The following RGS20 variants were observed in gnomAD, a reference collection of about 807,000 sequenced individuals.
RGS20 encodes regulator of G protein signaling 20.
In RGS20, 30 loss-of-function variants were observed where a neutral mutation model predicts 33.6. That is an observed-to-expected ratio of 0.89 (90% CI 0.67 to 1.21). The LOEUF (loss-of-function observed/expected upper bound fraction) is 1.21. Ranked by LOEUF, RGS20 falls within the 50% of genes most tolerant of loss-of-function variation. The pLI, the probability that RGS20 is intolerant of heterozygous loss-of-function variation, is 0.00. For synonymous variants in RGS20, 208 were observed against 197.9 expected, an observed-to-expected ratio of 1.05 and a Z score of -0.43; for missense variants, 472 against 502.4, an observed-to-expected ratio of 0.94 and a Z score of 0.58.
chr8:53,859,139 ATT>A (rs1473757514), intron 1 of RGS20, among the ~76,000 whole-genome samples: 2 of 152,308 alleles, frequency 1.3e-5, no homozygotes, highest in East Asian at 3.9e-4. Context: ...AACATAATAC[ATT>A]TGTTTTTAAG....
At chr8:53,937,838 C>T (rs1814177358) in intron 2 of RGS20, among the ~76,000 whole-genome samples, 1 of 152,100 alleles carries the variant, frequency 6.6e-6, no homozygotes. Context: ...AATGAGATAC[C>T]GTCTCATGCC....
chr8:53,930,764 G>T (rs1434151961), intron 2 of RGS20, among the ~76,000 whole-genome samples: 1 of 152,032 alleles, frequency 6.6e-6, no homozygotes, highest in East Asian at 1.9e-4. Flanking sequence ...GGCCGGGCTG[G>T]TCTCGAACTC....
chr8:53,868,666 A>ATATG (rs1287825287), intron 1 of RGS20, among the ~76,000 whole-genome samples: 17 of 152,098 alleles, frequency 1.1e-4, no homozygotes, highest in African/African-American at 4.1e-4. Flanking sequence ...ATATATATAT[A>ATATG]TATGTATGTC....
chr8:53,954,174 G>C lies in RGS20; in HGVS notation c.842G>C (p.Arg281Pro). ...AGGAATGCATTCCGTGAATTCCTCC[G>C]AACAGAATTCAGTGAGGAAAATATG... Residue 281 changes from arginine (R) to proline (P), a missense_variant, in exon 5 of 6, where the codon CGA (arginine) becomes CCA (proline). Transcript: ENST00000297313. 1 of 1,613,710 alleles carries C rather than the reference G, an allele frequency of 6.2e-7. No individual in the cohort carries two copies. The highest frequency in any genetic ancestry group is 8.5e-7 in the Non-Finnish European group (1 of 1,179,664).
intron 3 of RGS20, 79 bp from the exon 3 acceptor site, chr8:53,946,586 G>A: frequency 8.7e-7 from 1 of 1,154,524 alleles, no homozygotes; most frequent in Non-Finnish European, 1.3e-6. Context: ...GGGATCTGAA[G>A]TTCTCTTTAA....
chr8:53,861,092 C>T (rs904085664), intron 1 of RGS20, among the ~76,000 whole-genome samples: 2 of 152,174 alleles, frequency 1.3e-5, no homozygotes, highest in Non-Finnish European at 2.9e-5. Context: ...CCAAAATCAA[C>T]GATGACACCT....
In RGS20 at chr8:53,922,886, C is replaced by T. The variant is rs183044727; in HGVS notation, c.511-16690C>T. ...ATGTTGTCCAGGCTGGTCTTGAACTCCTGGTCTCAAGTGAGCCTCCTTCCT... is the reference window on the plus strand; with the variant it reads ...ATGTTGTCCAGGCTGGTCTTGAACTTCTGGTCTCAAGTGAGCCTCCTTCCT... On this transcript the variant is annotated intron_variant, in intron 2 of 5. Coordinates refer to ENST00000297313, the MANE Select transcript of RGS20 (RefSeq NM_170587.4). Among the ~76,000 whole-genome samples, 5 of 152,228 alleles carry T rather than the reference C, an allele frequency of 3.3e-5. No individual in the cohort carries two copies. The East Asian group carries it at 9.7e-4, about 29-fold the overall frequency.
intron 2 of RGS20, among the ~76,000 whole-genome samples, chr8:53,908,389 T>A (rs1454220166): frequency 6.6e-6 from 1 of 152,044 alleles, no homozygotes; most frequent in Non-Finnish European, 1.5e-5. Flanking sequence ...CCTGGAATCC[T>A]AGCACTTTGG....
intron 3 of RGS20, among the ~76,000 whole-genome samples, chr8:53,944,004 C>A (rs1360502627): frequency 6.6e-6 from 1 of 151,662 alleles, no homozygotes; most frequent in East Asian, 1.9e-4. Flanking sequence ...GCTACACACA[C>A]ACACACACAC....
chr8:53,855,453 T>C (rs1302518002), intron 1 of RGS20, among the ~76,000 whole-genome samples: 1 of 152,194 alleles, frequency 6.6e-6, no homozygotes, highest in Non-Finnish European at 1.5e-5. Flanking sequence ...GTGGTGGATA[T>C]AGCTACAAAG....
chr8:53,920,645 T>G (rs908226864), intron 2 of RGS20, among the ~76,000 whole-genome samples: 4 of 152,228 alleles, frequency 2.6e-5, no homozygotes, highest in Non-Finnish European at 5.9e-5. Flanking sequence ...TTTCAGTGTT[T>G]AATATGATCT....
intron 1 of RGS20, among the ~76,000 whole-genome samples, chr8:53,868,887 G>A (rs1456827400): frequency 1.3e-5 from 2 of 151,950 alleles, no homozygotes; most frequent in African/African-American, 4.8e-5. Flanking sequence ...CAAGTAGCTG[G>A]GATTACAGGT....
At chr8:53,911,087 T>C (rs767834341) in intron 2 of RGS20, among the ~76,000 whole-genome samples, 2 of 152,138 alleles carry the variant, frequency 1.3e-5, no homozygotes, top group Non-Finnish European at 2.9e-5. Context: ...TCTGAGCTAT[T>C]TGGAAATAAA....
At chr8:53,889,059 T>C (rs901685097) in intron 2 of RGS20, among the ~76,000 whole-genome samples, 1 of 152,226 alleles carries the variant, frequency 6.6e-6, no homozygotes, top group Non-Finnish European at 1.5e-5. Context: ...TTTGGGTATA[T>C]GCCCAGGATA....
At chr8:53,939,552 G>C (rs1333069358) in intron 2 of RGS20, 24 bp from the exon 2 acceptor site, 1 of 1,490,360 alleles carries the variant, frequency 6.7e-7, no homozygotes, top group Admixed American at 2.4e-5. Context: ...CCTCCCGCCC[G>C]CTTTGTTCCT....
At chr8:53,947,245 G>A (rs1302732473) in intron 4 of RGS20, among the ~76,000 whole-genome samples, 1 of 142,594 alleles carries the variant, frequency 7.0e-6, no homozygotes, top group Non-Finnish European at 1.5e-5. Flanking sequence ...ATAAGATATA[G>A]CATATTTATT....
intron 2 of RGS20, among the ~76,000 whole-genome samples, chr8:53,882,249 C>A (rs1812407719): frequency 6.6e-6 from 1 of 152,200 alleles, no homozygotes; most frequent in South Asian, 2.1e-4. Context: ...GCGCCGCGAC[C>A]TACCCCATCT....
At chr8:53,946,411 CTAAGTA>C (rs1226648443) in intron 3 of RGS20, 3 of 406,778 alleles carry the variant, frequency 7.4e-6, no homozygotes, top group East Asian at 5.0e-5. Context: ...AATCATTATT[CTAAGTA>C]TAATTGAACA....
chr8:53,884,840 CATT>C (rs1390496710), intron 2 of RGS20, among the ~76,000 whole-genome samples: 1 of 152,190 alleles, frequency 6.6e-6, no homozygotes, highest in African/African-American at 2.4e-5. Context: ...TGGTCCCTCA[CATT>C]ATAAGACATG....
Sources: gnomAD v4.1 joint callset for allele counts (sites outside exome capture counted in the v4.1 genomes callset) on GRCh38, gnomAD v4.1.1 for gene constraint, MANE v1.5 for transcripts, NCBI Gene and HGNC (gene_info 2026-07-23, HGNC 2026-07-21) for gene names.